The following DENND11 variants were observed in gnomAD, a reference collection of about 807,000 sequenced individuals.
DENND11 encodes the protein DENN domain-containing protein 11.
DENND11 carries 34 observed loss-of-function variants against 49.2 expected under a neutral mutation model. The observed-to-expected ratio is 0.69, with a 90% CI of 0.53 to 0.92. The LOEUF (loss-of-function observed/expected upper bound fraction) is 0.92. DENND11 is among the 40% of genes least tolerant of loss of function. The probability of loss-of-function intolerance (pLI) is 0.00; values close to 1 mark genes in which losing one functional copy is unlikely to be tolerated. For missense variants in DENND11, 475 were observed against 581.6 expected, an observed-to-expected ratio of 0.82 and a Z score of 1.88; for synonymous variants, 238 against 230.3, an observed-to-expected ratio of 1.03 and a Z score of -0.30.
chr7:141,663,156 C>T, intron 8 of DENND11: 2 of 275,822 alleles, frequency 7.3e-6, no homozygotes, highest in East Asian at 6.6e-5. Flanking sequence ...TGAGAAGAGG[C>T]CCCCAAACAC....
chr7:141,665,676 G>A (rs1013098694), intron 5 of DENND11, among the ~76,000 whole-genome samples: 1 of 151,930 alleles, frequency 6.6e-6, no homozygotes, highest in African/African-American at 2.4e-5. Flanking sequence ...CCACCTTTCT[G>A]GTCCACTTCC....
intron 3 of DENND11, among the ~76,000 whole-genome samples, chr7:141,684,830 C>A (rs1450374961): frequency 4.6e-5 from 7 of 151,238 alleles, no homozygotes; most frequent in African/African-American, 1.7e-4. Flanking sequence ...AGGTTACCTG[C>A]ATGATGAAAA....
chr7:141,671,892 G>A (rs1191438231), intron 4 of DENND11, among the ~76,000 whole-genome samples: 1 of 152,196 alleles, frequency 6.6e-6, no homozygotes, highest in Admixed American at 6.5e-5. Flanking sequence ...TGGGAAACCT[G>A]CAAATGACAA....
In DENND11 at chr7:141,664,170, A is replaced by C. The variant is rs1362646702; in HGVS notation, c.1172+2T>G. 1 of 1,575,284 alleles carries C rather than the reference A, an allele frequency of 6.3e-7. No homozygotes were observed. Reference sequence around the variant, plus strand: ...CTCCACATCCACGGCCCCAGGACTCACAGCACGAAGAGGTCCTCTTCACAA... The same window carrying C: ...CTCCACATCCACGGCCCCAGGACTCCCAGCACGAAGAGGTCCTCTTCACAA... On this transcript the variant is annotated splice_donor_variant, in intron 8 of 8. Coordinates refer to ENST00000536163, the MANE Select transcript of DENND11 (RefSeq NM_001080392.2). LOFTEE classifies it high-confidence loss of function.
At chr7:141,666,591 C>T (rs1051752354) in intron 4 of DENND11, among the ~76,000 whole-genome samples, 166 bp from the exon 5 acceptor site, 1 of 152,154 alleles carries the variant, frequency 6.6e-6, no homozygotes, top group Non-Finnish European at 1.5e-5. Flanking sequence ...CTTTAAAAGT[C>T]TTACCTTTAA....
chr7:141,664,269 G>A (rs1488519789), intron 7 of DENND11, 29 bp from the exon 8 acceptor site: 3 of 1,555,670 alleles, frequency 1.9e-6, no homozygotes, highest in East Asian at 2.4e-5. Flanking sequence ...TGAGACTCTG[G>A]TGCAGGTACC....
At chr7:141,701,702 A>C (rs1376267787) in intron 1 of DENND11, 184 bp downstream of exon 1, 10 of 378,136 alleles carry the variant, frequency 2.6e-5, no homozygotes, top group Non-Finnish European at 4.2e-5. Flanking sequence ...CTGCGCCCCG[A>C]GGGAGAGAGC....
At chr7:141,679,294 T>C (rs182063481) in intron 3 of DENND11, among the ~76,000 whole-genome samples, 4 of 152,258 alleles carry the variant, frequency 2.6e-5, no homozygotes, top group Admixed American at 2.6e-4. Flanking sequence ...GATGCATGAA[T>C]TCAAAGAAAA....
chr7:141,672,503 G>A (rs1797998542), intron 4 of DENND11, among the ~76,000 whole-genome samples: 1 of 152,214 alleles, frequency 6.6e-6, no homozygotes, highest in Non-Finnish European at 1.5e-5. Context: ...GCAAGGTACT[G>A]AGGCCTTCAG....
intron 8 of DENND11, 91 bp downstream of exon 8, chr7:141,664,081 G>T: frequency 9.1e-7 from 1 of 1,101,610 alleles, no homozygotes; most frequent in Non-Finnish European, 1.3e-6. Context: ...CGGCATCCCT[G>T]GCCCGCAGTG....
intron 4 of DENND11, 85 bp from the exon 5 acceptor site, chr7:141,666,510 C>T: frequency 1.5e-6 from 2 of 1,303,836 alleles, no homozygotes; most frequent in East Asian, 5.1e-5. Context: ...ATCTCCTTCT[C>T]TGAAATTCTA....
intron 3 of DENND11, among the ~76,000 whole-genome samples, chr7:141,680,254 C>G (rs906712075): frequency 1.3e-5 from 2 of 152,112 alleles, no homozygotes; most frequent in Non-Finnish European, 2.9e-5. Flanking sequence ...GATATGAGAT[C>G]TTTCATGCTG....
intron 4 of DENND11, among the ~76,000 whole-genome samples, chr7:141,669,656 GATAT>G (rs907266079): frequency 2.0e-5 from 3 of 150,342 alleles, no homozygotes; most frequent in Admixed American, 6.6e-5. Flanking sequence ...AAAGCTTAAA[GATAT>G]ATATATATTA....
chr7:141,689,861 A>G (rs1012022655), intron 1 of DENND11, among the ~76,000 whole-genome samples: 1 of 152,202 alleles, frequency 6.6e-6, no homozygotes, highest in Non-Finnish European at 1.5e-5. Flanking sequence ...CAGTTTGTTC[A>G]TCTATTACTT....
At chr7:141,677,101 A>G (rs1798069472) in intron 3 of DENND11, among the ~76,000 whole-genome samples, 1 of 152,108 alleles carries the variant, frequency 6.6e-6, no homozygotes, top group Non-Finnish European at 1.5e-5. Flanking sequence ...TTGTGCGACA[A>G]TTACACTTCA....
Position 141,674,230 on chromosome 7 carries a change from AACACACACACAC to A in DENND11, c.528-22_528-11del, listed in dbSNP as rs35125206. On this transcript the variant is annotated splice_polypyrimidine_tract_variant and intron_variant, in intron 3 of 8. Transcript: ENST00000536163. Reference sequence around the variant, plus strand: ...CATCTCCAACTGGTGCCTGCAGAAAAACACACACACACACACACACACACACACAGTGAGAAC... The same window carrying A: ...CATCTCCAACTGGTGCCTGCAGAAAAACACACACACACACACAGTGAGAAC... The A allele has an allele frequency of 5.0e-5, 75 of 1,494,698 alleles. No homozygotes were observed. The Middle Eastern group carries it at 1.1e-3, about 22-fold the overall frequency. The allele number at this position is 1,494,698 out of a possible 1,614,324, so 92.6% of individuals were successfully genotyped here.
intron 1 of DENND11, 32 bp downstream of exon 1, chr7:141,701,854 C>A: frequency 8.5e-7 from 1 of 1,170,922 alleles, no homozygotes; most frequent in African/African-American, 1.6e-5. Context: ...CCCCGACCCT[C>A]CCCACGCGCC....
chr7:141,672,277 T>C (rs79422505), intron 4 of DENND11, among the ~76,000 whole-genome samples: 1,740 of 152,336 alleles, frequency 0.011, 28 homozygotes, highest in African/African-American at 0.039. Context: ...CACCTCTTGG[T>C]ATTTACAGCC....
chr7:141,665,236 C>T lies in DENND11; in HGVS notation c.903G>A (p.Val301=), dbSNP rs1431412581. 1 of 1,613,390 alleles carries T rather than the reference C, an allele frequency of 6.2e-7. No individual in the cohort carries two copies. Reference sequence around the variant, plus strand: ...CCAGGCTCTCGATGTCAGCCACGTTCACGTAGAAGAAAGGTTTGGACTCAG... The same window carrying T: ...CCAGGCTCTCGATGTCAGCCACGTTTACGTAGAAGAAAGGTTTGGACTCAG... ...TIPESKPFFY[V]NVADIESLEV... is the part of the protein sequence containing the mutation. Residue 301 remains valine (V), a synonymous_variant, in exon 6 of 9, where the codon GTG becomes GTA. Coordinates refer to ENST00000536163, the MANE Select transcript of DENND11 (RefSeq NM_001080392.2).
Sources: allele counts gnomAD v4.1 joint callset (sites outside exome capture counted in the v4.1 genomes callset), GRCh38; gene constraint gnomAD v4.1.1; transcripts MANE v1.5; gene names NCBI Gene and HGNC (gene_info 2026-07-23, HGNC 2026-07-21).